IQGAP3: variants seen among roughly 807,000 people sequenced by gnomAD.
IQGAP3 encodes ras GTPase-activating-like protein IQGAP3.
In IQGAP3, 165 loss-of-function variants were observed where a neutral mutation model predicts 208.2. The ratio of observed to expected loss-of-function variants is 0.79; its 90% CI spans 0.70 to 0.90. The LOEUF is 0.90. IQGAP3 is among the 40% of genes least tolerant of loss of function. The pLI is 0.00. For synonymous variants in IQGAP3, 703 were observed against 803.6 expected (o/e 0.87, Z 2.12); for missense variants, 1,811 against 2,043.1 (o/e 0.89, Z 2.19).
At position 156,556,935 on chromosome 1, in the gene IQGAP3, T is replaced by TAAGGTGGTGAGCACAA. The variant is rs143644649; in HGVS notation, c.1130-243_1130-242insTTGTGCTCACCACCTT. On this transcript the variant is annotated intron_variant, in intron 11 of 37. Transcript: ENST00000361170. ...CCTAGAAATTGAGTAGCTCAGCCTC[T>TAAGGTGGTGAGCACAA]GCCCCGCCGCCCTGTCTGGGATGTG... Among the ~76,000 whole-genome samples, 52 of 41,698 alleles carry TAAGGTGGTGAGCACAA rather than the reference T, an allele frequency of 1.2e-3. 22 individuals are homozygous for TAAGGTGGTGAGCACAA. Among genetic ancestry groups the TAAGGTGGTGAGCACAA allele is most frequent in the Non-Finnish European group, 2.3e-3 (36 of 15,676 alleles). 27.4% of individuals were successfully genotyped at this position (41,698 alleles called of 152,430 possible).
chr1:156,571,972 G>A (rs997059043), intron 1 of IQGAP3, among the ~76,000 whole-genome samples: 1 of 152,200 alleles, frequency 6.6e-6, no homozygotes, highest in Admixed American at 6.5e-5. Flanking sequence ...TGTTATAAAT[G>A]CAGATTATGG....
chr1:156,531,276 A>G (rs1571310899), intron 32 of IQGAP3, 29 bp from the exon 33 acceptor site: 1 of 1,576,878 alleles, frequency 6.3e-7, no homozygotes, highest in East Asian at 2.2e-5. Context: ...GACAGAGGAG[A>G]GGTAAGGGGC....
In IQGAP3 at chr1:156,548,262, G is replaced by A; in HGVS notation, c.2134-19C>T. The A allele has an allele frequency of 1.2e-6, 2 of 1,611,496 alleles. No homozygotes were observed. Among genetic ancestry groups the A allele is most frequent in the Non-Finnish European group, 8.5e-7 (1 of 1,178,094 alleles). ...CAGCTGACTGTGGAGGCAGGAGAGA[G>A]ACGCTGTGGTCTTTTGGGGAGTGGG... On this transcript the variant is annotated intron_variant, in intron 18 of 37. Coordinates refer to ENST00000361170, the MANE Select transcript of IQGAP3 (RefSeq NM_178229.5).
chr1:156,545,663 T>C (rs1675206892), intron 19 of IQGAP3, among the ~76,000 whole-genome samples: 1 of 152,030 alleles, frequency 6.6e-6, no homozygotes, highest in South Asian at 2.1e-4. Context: ...CCATGCCTGA[T>C]TACTTTTTTA....
chr1:156,556,552 A>G lies in IQGAP3; in HGVS notation c.1271T>C (p.Val424Ala). ...GCTTACCCCCTGCTGCTGCTGGAGCACTGCCAGCTCCAGCTGGTACATAGA... is the reference window on the plus strand; with the variant it reads ...GCTTACCCCCTGCTGCTGCTGGAGCGCTGCCAGCTCCAGCTGGTACATAGA... The part of the protein sequence containing the change: ...ASSMYQLELA[V>A]LQQQQGELGQ... The change falls in exon 12 of 38, where the codon GTG (valine) becomes GCG (alanine). Residue 424 changes from valine (V) to alanine (A), a missense_variant. Coordinates refer to ENST00000361170, the MANE Select transcript of IQGAP3 (RefSeq NM_178229.5). 1 of 1,614,118 alleles carries G rather than the reference A, an allele frequency of 6.2e-7. No individual in the cohort carries two copies. The highest frequency in any genetic ancestry group is 8.5e-7 in the Non-Finnish European group (1 of 1,180,008).
intron 22 of IQGAP3, among the ~76,000 whole-genome samples, chr1:156,541,181 G>A (rs575592556): frequency 1.3e-5 from 2 of 152,068 alleles, no homozygotes; most frequent in South Asian, 4.2e-4. Flanking sequence ...CCCAGCCTGG[G>A]TCTATCCCAG....
intron 26 of IQGAP3, among the ~76,000 whole-genome samples, chr1:156,537,722 G>A (rs1202533821): frequency 6.6e-6 from 1 of 152,130 alleles, no homozygotes; most frequent in Non-Finnish European, 1.5e-5. Flanking sequence ...CACCAGGATT[G>A]CCTGCTCGCC....
At position 156,562,615 on chromosome 1, in the gene IQGAP3, T is replaced by C. The variant is rs779081225; in HGVS notation, c.849A>G (p.Glu283=). The change falls in exon 9 of 38, where the codon GAA becomes GAG. Residue 283 remains glutamate, a synonymous_variant. Coordinates refer to ENST00000361170, the MANE Select transcript of IQGAP3 (RefSeq NM_178229.5). ...TGACATGGTTGATATTGCCCTGGATTTCAGCCTGAGTTAGGTAGTGGTCAT... is the reference window on the plus strand; with the variant it reads ...TGACATGGTTGATATTGCCCTGGATCTCAGCCTGAGTTAGGTAGTGGTCAT... The part of the protein sequence containing the change: ...DIYDHYLTQA[E]IQGNINHVNV... 6.2e-6 allele frequency: 10 copies of C among 1,614,146 alleles called. No individual in the cohort carries two copies. Among genetic ancestry groups the C allele is most frequent in the Non-Finnish European group, 8.5e-6 (10 of 1,180,008 alleles).
intron 12 of IQGAP3, among the ~76,000 whole-genome samples, chr1:156,555,107 G>A (rs1381449739): frequency 6.6e-6 from 1 of 152,072 alleles, no homozygotes; most frequent in Non-Finnish European, 1.5e-5. Flanking sequence ...AGATGAAGAT[G>A]GAGTGGTCGC....
intron 19 of IQGAP3, among the ~76,000 whole-genome samples, chr1:156,547,388 GACACACACACACACACAC>G (rs61344699): frequency 2.7e-5 from 4 of 147,430 alleles, no homozygotes; most frequent in African/African-American, 5.0e-5. Flanking sequence ...CAGACACACA[GACACACACACACACACAC>G]ACACACACAC....
chr1:156,534,528 T>G lies in IQGAP3; in HGVS notation c.3713A>C (p.Tyr1238Ser), dbSNP rs747933758. 1.3e-6 allele frequency: 2 copies of G among 1,589,764 alleles called. No individual in the cohort carries two copies. Among genetic ancestry groups the G allele is most frequent in the East Asian group, 4.5e-5 (2 of 44,572 alleles). Residue 1238 changes from tyrosine (Y) to serine (S), a missense_variant, in exon 29 of 38, where the codon TAT (tyrosine) becomes TCT (serine). Coordinates refer to ENST00000361170, the MANE Select transcript of IQGAP3 (RefSeq NM_178229.5). ...GAACTTGAGGTGTGTTTCCTCCAGA[T>G]AGTCATTCAGGACCCGTAGGTGCTG... ...QSQHLRVLND[Y>S]LEETHLKFRK...
At chr1:156,535,304 G>A in intron 27 of IQGAP3, 57 bp from the exon 28 acceptor site, 1 of 1,256,298 alleles carries the variant, frequency 8.0e-7, no homozygotes, top group Non-Finnish European at 1.1e-6. Context: ...CTCTCTGCCA[G>A]AGATAAGAGC....
rs200461130 is a variant in IQGAP3, at chr1:156,566,505, A to C, written c.167T>G (p.Val56Gly). Residue 56 changes from valine (V) to glycine (G), a missense_variant, in exon 3 of 38, where the codon GTG becomes GGG. Transcript: ENST00000361170. ...ACLKEELPSPVELEESLRNGV... is the reference protein window; with the variant it reads ...ACLKEELPSPGELEESLRNGV... ...ATTCCGAAGGCTCTCCTCCAGCTCCACCGGGGAAGGAAGCTCCTCCTTCAG... is the reference window on the plus strand; with the variant it reads ...ATTCCGAAGGCTCTCCTCCAGCTCCCCCGGGGAAGGAAGCTCCTCCTTCAG... The C allele has an allele frequency of 6.2e-7, 1 of 1,614,090 alleles. No homozygotes were observed. The highest frequency in any genetic ancestry group is 8.5e-7 in the Non-Finnish European group (1 of 1,179,998).
intron 3 of IQGAP3, 110 bp downstream of exon 3, chr1:156,566,280 T>C: frequency 7.6e-7 from 1 of 1,312,922 alleles, no homozygotes; most frequent in Non-Finnish European, 1.1e-6. Context: ...TAACACTCCC[T>C]TTTATCCAGA....
intron 19 of IQGAP3, 86 bp from the exon 20 acceptor site, chr1:156,544,558 T>C: frequency 8.9e-7 from 1 of 1,122,260 alleles, no homozygotes; most frequent in Non-Finnish European, 1.4e-6. Flanking sequence ...TCCTGGGCCC[T>C]CCAGGGAATG....
At chr1:156,527,032 TA>T (rs1255915721) in intron 37 of IQGAP3, among the ~76,000 whole-genome samples, 4 of 151,112 alleles carry the variant, frequency 2.6e-5, no homozygotes, top group African/African-American at 9.7e-5. Context: ...AGGGTTTCAC[TA>T]TATTGGCCAG....
intron 23 of IQGAP3, among the ~76,000 whole-genome samples, chr1:156,540,237 T>C (rs1674911266): frequency 6.6e-6 from 1 of 152,098 alleles, no homozygotes; most frequent in Non-Finnish European, 1.5e-5. Context: ...GCTGAGGAAT[T>C]GTGTCTATTT....
intron 37 of IQGAP3, among the ~76,000 whole-genome samples, chr1:156,526,907 G>A (rs531574399): frequency 2.6e-5 from 4 of 151,900 alleles, no homozygotes; most frequent in Non-Finnish European, 5.9e-5. Context: ...ATCTCGGATC[G>A]CTGCAATCTC....
intron 10 of IQGAP3, among the ~76,000 whole-genome samples, chr1:156,561,282 C>T (rs1406754888): frequency 2.0e-5 from 3 of 152,220 alleles, no homozygotes; most frequent in Non-Finnish European, 4.4e-5. Flanking sequence ...GATTCTCTGC[C>T]GAAGCCTTCC....
Sources: gnomAD v4.1 joint callset for allele counts (sites outside exome capture counted in the v4.1 genomes callset) on GRCh38, gnomAD v4.1.1 for gene constraint, MANE v1.5 for transcripts, NCBI Gene and HGNC (gene_info 2026-07-23, HGNC 2026-07-21) for gene names.